Variants in ERBB4 observed in about 807,000 individuals in gnomAD.
The protein encoded by ERBB4 is receptor tyrosine-protein kinase erbB-4.
A neutral mutation model predicts 158.0 loss-of-function variants in ERBB4; 42 were observed. The observed-to-expected ratio is 0.27, with a 90% CI of 0.21 to 0.34. ERBB4 has a LOEUF of 0.34. ERBB4 is among the 10% of genes least tolerant of loss of function. The pLI, the probability that ERBB4 is intolerant of heterozygous loss-of-function variation, is 1.00. For synonymous variants in ERBB4, 583 were observed against 558.7 expected, an observed-to-expected ratio of 1.04 and a Z score of -0.61; for missense variants, 1,333 against 1,624.1, an observed-to-expected ratio of 0.82 and a Z score of 3.08.
chr2:212,123,179 ATTG>A (rs1354948726), intron 2 of ERBB4, among the ~76,000 whole-genome samples: 1 of 152,190 alleles, frequency 6.6e-6, no homozygotes, highest in East Asian at 1.9e-4. Context: ...AGGAGGGCGG[ATTG>A]CCTGAGCTCA....
At chr2:211,487,511 ACCT>A (rs2065237306) in intron 20 of ERBB4, among the ~76,000 whole-genome samples, 1 of 152,080 alleles carries the variant, frequency 6.6e-6, no homozygotes, top group Non-Finnish European at 1.5e-5. Flanking sequence ...CACTCAAAAC[ACCT>A]CCTTCAGCAT....
chr2:211,412,693 C>A (rs1187732527), intron 25 of ERBB4, among the ~76,000 whole-genome samples: 1 of 152,048 alleles, frequency 6.6e-6, no homozygotes, highest in Non-Finnish European at 1.5e-5. Context: ...TGGTGGCTCA[C>A]GTCTGTAATC....
At chr2:212,450,259 C>G (rs2092425621) in intron 1 of ERBB4, among the ~76,000 whole-genome samples, 2 of 152,262 alleles carry the variant, frequency 1.3e-5, no homozygotes, top group Non-Finnish European at 1.5e-5. Flanking sequence ...GGGCACACCT[C>G]AATCCTTGTA....
chr2:212,369,272 C>A (rs1372511452), intron 1 of ERBB4, among the ~76,000 whole-genome samples: 2 of 152,146 alleles, frequency 1.3e-5, no homozygotes, highest in Non-Finnish European at 2.9e-5. Context: ...AGTGACACTG[C>A]TTCCTTTACA....
intron 2 of ERBB4, among the ~76,000 whole-genome samples, chr2:212,057,597 A>G (rs2125411831): frequency 6.6e-6 from 1 of 152,350 alleles, no homozygotes; most frequent in Non-Finnish European, 1.5e-5. Flanking sequence ...ACCACAGTGC[A>G]ATCAAACTAG....
chr2:211,613,925 C>T (rs11893743), intron 19 of ERBB4, among the ~76,000 whole-genome samples: 3,684 of 152,060 alleles, frequency 0.024, 138 homozygotes, highest in African/African-American at 0.083. Flanking sequence ...TGGGTATATA[C>T]GCAAAATAAA....
chr2:211,640,003 G>A (rs558920143), intron 16 of ERBB4, among the ~76,000 whole-genome samples: 1 of 152,272 alleles, frequency 6.6e-6, no homozygotes, highest in African/African-American at 2.4e-5. Context: ...GATTATAGCT[G>A]TGAGCCACCA....
Position 212,003,729 on chromosome 2 carries a change from G to T in ERBB4, c.235-56113C>A, listed in dbSNP as rs148936639. On this transcript the variant is annotated intron_variant, in intron 2 of 27. Transcript: ENST00000342788. Reference sequence around the variant, plus strand: ...CTTGAATGATACTAGCGTATTAATCGACCTGTTCCACAGCCCAGTCCAGAA... The same window carrying T: ...CTTGAATGATACTAGCGTATTAATCTACCTGTTCCACAGCCCAGTCCAGAA... Among the ~76,000 whole-genome samples, 1,242 of 152,074 alleles carry T rather than the reference G, an allele frequency of 8.2e-3. 10 individuals carry two copies. Among genetic ancestry groups the T allele is most frequent in the Non-Finnish European group, 0.012 (816 of 67,980 alleles).
chr2:212,003,212 A>AGAAAGAAG (rs2076173198), intron 2 of ERBB4, among the ~76,000 whole-genome samples: 4 of 40,482 alleles, frequency 9.9e-5, no homozygotes, highest in African/African-American at 2.6e-4. Flanking sequence ...AAAGACAGAA[A>AGAAAGAAG]GAAGGAAGGA....
intron 1 of ERBB4, among the ~76,000 whole-genome samples, chr2:212,446,591 G>GTATGTATATATATA (rs1303302858): frequency 1.1e-4 from 3 of 27,516 alleles, no homozygotes; most frequent in Non-Finnish European, 1.2e-4. Context: ...ATATATATAT[G>GTATGTATATATATA]TATATATATA....
chr2:212,229,045 T>C (rs1234406310), intron 1 of ERBB4, among the ~76,000 whole-genome samples: 1 of 152,154 alleles, frequency 6.6e-6, no homozygotes, highest in Non-Finnish European at 1.5e-5. Context: ...TGGCTTGGAA[T>C]TGGACATATC....
intron 1 of ERBB4, among the ~76,000 whole-genome samples, chr2:212,464,548 C>T (rs962249557): frequency 3.9e-5 from 6 of 152,030 alleles, no homozygotes; most frequent in African/African-American, 1.4e-4. Flanking sequence ...AATTTAATTT[C>T]CTATTCTCAT....
At chr2:211,734,909 C>CAAAAAAAAAAAA (rs570006497) in intron 5 of ERBB4, among the ~76,000 whole-genome samples, 2 of 69,304 alleles carry the variant, frequency 2.9e-5, no homozygotes, top group Admixed American at 1.8e-4. Flanking sequence ...GAGACTCTGT[C>CAAAAAAAAAAAA]AAAAAAAAAA....
chr2:211,420,847 A>G (rs1377059728), intron 24 of ERBB4, among the ~76,000 whole-genome samples: 1 of 152,080 alleles, frequency 6.6e-6, no homozygotes, highest in African/African-American at 2.4e-5. Flanking sequence ...ATGCCATTAG[A>G]GAATAATAAA....
chr2:212,041,532 G>C (rs1251011668), intron 2 of ERBB4, among the ~76,000 whole-genome samples: 1 of 149,842 alleles, frequency 6.7e-6, no homozygotes, highest in Admixed American at 6.7e-5. Context: ...ATGACCTGAG[G>C]AATATAAAAT....
intron 1 of ERBB4, among the ~76,000 whole-genome samples, chr2:212,288,070 AGAAAAG>A (rs1238504509): frequency 6.6e-6 from 1 of 152,144 alleles, no homozygotes; most frequent in African/African-American, 2.4e-5. Flanking sequence ...TGTTAGAAAA[AGAAAAG>A]GAATGAGATG....
chr2:211,457,605 A>T (rs1242144046), intron 20 of ERBB4, among the ~76,000 whole-genome samples: 3 of 152,170 alleles, frequency 2.0e-5, no homozygotes, highest in Admixed American at 1.3e-4. Context: ...CAACAACTGC[A>T]CTTGAATTTT....
At position 211,661,815 on chromosome 2, in the gene ERBB4, G is replaced by A. The variant is rs941460537; in HGVS notation, c.1871+3508C>T. Among the ~76,000 whole-genome samples, 23 of 151,202 alleles carry A rather than the reference G, an allele frequency of 1.5e-4. 1 individual carries two copies. The South Asian group carries it at 3.3e-3, about 22-fold the overall frequency. ...AGCACTTTGGGAGGCCGAGGCGGGCGGATCACGAGGTCAGGAGATCGAGAC... is the reference window on the plus strand; with the variant it reads ...AGCACTTTGGGAGGCCGAGGCGGGCAGATCACGAGGTCAGGAGATCGAGAC... On this transcript the variant is annotated intron_variant, in intron 15 of 27. Coordinates refer to ENST00000342788, the MANE Select transcript of ERBB4 (RefSeq NM_005235.3).
chr2:212,260,374 C>T (rs1023549306), intron 1 of ERBB4, among the ~76,000 whole-genome samples: 3 of 152,128 alleles, frequency 2.0e-5, no homozygotes, highest in African/African-American at 7.2e-5. Flanking sequence ...TACTTGATTA[C>T]TGGAGTTAAG....
Sources: allele counts gnomAD v4.1 joint callset (sites outside exome capture counted in the v4.1 genomes callset), GRCh38; gene constraint gnomAD v4.1.1; transcripts MANE v1.5; gene names NCBI Gene and HGNC (gene_info 2026-07-23, HGNC 2026-07-21).